CSE1L: variants seen among roughly 807,000 people sequenced by gnomAD.
CSE1L encodes chromosome segregation 1 like, also known as exportin-2.
A neutral mutation model predicts 120.4 loss-of-function variants in CSE1L; 24 were observed. The ratio of observed to expected loss-of-function variants is 0.20; its 90% CI spans 0.14 to 0.28. The LOEUF (loss-of-function observed/expected upper bound fraction) is 0.28. Ranked by LOEUF, CSE1L falls within the 10% of genes least tolerant of loss-of-function variation. The pLI is 1.00. For synonymous variants in CSE1L, 402 were observed against 398.3 expected (o/e 1.01, Z -0.11); for missense variants, 830 against 1,145.2 (o/e 0.72, Z 3.97).
chr20:49,064,241 A>T, intron 3 of CSE1L, among the ~76,000 whole-genome samples: 1 of 152,378 alleles, frequency 6.6e-6, no homozygotes, highest in Admixed American at 6.5e-5. Flanking sequence ...TAGTGATAGC[A>T]GTTATGATGT....
chr20:49,075,206 C>T lies in CSE1L; in HGVS notation c.1133-112C>T, dbSNP rs17448715. The stretch of plus-strand genomic sequence containing the variant: ...CCTTTGTTTTTCGTTCTTTTTTTTC[C>T]GTTTTACAATCGTAGCCAAATTATT... On this transcript the variant is annotated intron_variant, in intron 11 of 24. Transcript: ENST00000262982. 168,828 of 839,772 alleles carry T rather than the reference C, an allele frequency of 0.2. 19,132 individuals are homozygous for T. The highest frequency in any genetic ancestry group is 0.24 in the Non-Finnish European group (133,789 of 558,122). 52.0% of individuals were successfully genotyped at this position (839,772 alleles called of 1,614,324 possible).
In CSE1L at chr20:49,096,676, C is replaced by T; in HGVS notation, c.*238C>T. On this transcript the variant is annotated 3_prime_UTR_variant, in exon 25 of 25. Coordinates refer to ENST00000262982, the MANE Select transcript of CSE1L (RefSeq NM_001316.4). ...CTTCAAGGGACAAGTATTAATAGTT[C>T]AGTGTATGGCGTTGGTTTGTGTTGA... 1.8e-6 allele frequency: 1 copy of T among 544,764 alleles called. No homozygotes were observed. The highest frequency in any genetic ancestry group is 3.3e-6 in the Non-Finnish European group (1 of 305,788). The allele number at this position is 544,764 out of a possible 1,614,324, so 33.7% of individuals were successfully genotyped here. A position where few individuals can be genotyped will look rare whatever the true frequency, so the allele number is the denominator to read the frequency against.
At position 49,077,021 on chromosome 20, in the gene CSE1L, G is replaced by A; in HGVS notation, c.1377G>A (p.Glu459=). The A allele has an allele frequency of 1.2e-6, 2 of 1,607,092 alleles. No homozygotes were observed. The highest frequency in any genetic ancestry group is 2.2e-5 in the South Asian group (2 of 89,084). ...TQANELVNLT[E]FFVNHILPDL... ...CAAATGAACTTGTAAACCTAACTGA[G>A]TTCTTTGTGAATCACATCCTCCCTG... The change falls in exon 13 of 25, where the codon GAG becomes GAA. Residue 459 remains glutamate (E), a synonymous_variant. Transcript: ENST00000262982.
At chr20:49,049,725 C>A (rs556995468) in intron 1 of CSE1L, among the ~76,000 whole-genome samples, 1 of 152,012 alleles carries the variant, frequency 6.6e-6, no homozygotes, top group Non-Finnish European at 1.5e-5. Context: ...ATCTGCAAGG[C>A]GATATAAAAA....
rs138845721 is a variant in CSE1L at position 49,075,594 on chromosome 20, G to A, written c.1335+74G>A. 6.6e-5 allele frequency: 77 copies of A among 1,163,042 alleles called. No individual in the cohort carries two copies. The African/African-American group carries it at 7.4e-4, about 11-fold the overall frequency. The allele number at this position is 1,163,042 out of a possible 1,614,324, so 72.0% of individuals were successfully genotyped here. ...CCCACACAAGTCAAAAAGAAATAAC[G>A]TCTCTGATAATAGAGCTTACTCTGC... On this transcript the variant is annotated intron_variant, in intron 12 of 24. Transcript: ENST00000262982.
chr20:49,085,463 CAGG>C, intron 16 of CSE1L, 77 bp downstream of exon 16: 6 of 914,916 alleles, frequency 6.6e-6, no homozygotes, highest in Non-Finnish European at 1.0e-5. Flanking sequence ...AGTTATACTT[CAGG>C]TTATACAGTC....
chr20:49,056,240 G>T (rs916465048), intron 1 of CSE1L, among the ~76,000 whole-genome samples: 25 of 152,004 alleles, frequency 1.6e-4, no homozygotes, highest in African/African-American at 6.0e-4. Flanking sequence ...CAAGTAACTG[G>T]GATTACAGGT....
At chr20:49,073,205 G>C (rs1282357155) in intron 10 of CSE1L, among the ~76,000 whole-genome samples, 1 of 151,912 alleles carries the variant, frequency 6.6e-6, no homozygotes, top group Admixed American at 6.6e-5. Context: ...TAGAGACAGG[G>C]TTTCACCATG....
In CSE1L at chr20:49,092,817, TA is replaced by T. The variant is rs887455274; in HGVS notation, c.2447+701del. On this transcript the variant is annotated intron_variant, in intron 22 of 24. Coordinates refer to ENST00000262982, the MANE Select transcript of CSE1L (RefSeq NM_001316.4). ...TGTACCCTAGAACTTAAAGTATAAT[TA>T]AAAAAAAAAACCAGAATTTTCCTTC... Among the ~76,000 whole-genome samples the T allele has an allele frequency of 4.2e-3, 614 of 145,876 alleles. 5 individuals are homozygous for T. Among genetic ancestry groups the T allele is most frequent in the African/African-American group, 0.014 (541 of 39,990 alleles).
intron 1 of CSE1L, among the ~76,000 whole-genome samples, chr20:49,054,058 C>T (rs1203064043): frequency 6.6e-6 from 1 of 152,146 alleles, no homozygotes; most frequent in Admixed American, 6.6e-5. Flanking sequence ...TAGCATTTTC[C>T]AAACTTGTGA....
chr20:49,082,447 G>T (rs1040283797), intron 14 of CSE1L, among the ~76,000 whole-genome samples: 10 of 151,202 alleles, frequency 6.6e-5, no homozygotes, highest in African/African-American at 2.4e-4. Flanking sequence ...CCTGGCCTAG[G>T]TTTTAAATTT....
At chr20:49,077,918 C>A (rs1280494533) in intron 13 of CSE1L, among the ~76,000 whole-genome samples, 1 of 152,004 alleles carries the variant, frequency 6.6e-6, no homozygotes, top group Non-Finnish European at 1.5e-5. Flanking sequence ...GCAGGAGAAT[C>A]GCTTGAATCC....
chr20:49,048,649 G>T (rs565723541), intron 1 of CSE1L, among the ~76,000 whole-genome samples: 1 of 152,248 alleles, frequency 6.6e-6, no homozygotes, highest in Non-Finnish European at 1.5e-5. Flanking sequence ...AATATTTAAG[G>T]AATATCTTAG....
intron 1 of CSE1L, among the ~76,000 whole-genome samples, chr20:49,053,239 G>A (rs1285872174): frequency 6.8e-6 from 1 of 146,096 alleles, no homozygotes; most frequent in African/African-American, 2.5e-5. Context: ...AATCTGCCTT[G>A]CATGAATCCC....
At chr20:49,065,627 C>G (rs2091886795) in intron 3 of CSE1L, among the ~76,000 whole-genome samples, 1 of 105,268 alleles carries the variant, frequency 9.5e-6, no homozygotes, top group African/African-American at 3.6e-5. Flanking sequence ...CAGAGTCACT[C>G]TTGTTGCCCA....
At chr20:49,090,595 A>C in intron 19 of CSE1L, 147 bp from the exon 20 acceptor site, 1 of 640,276 alleles carries the variant, frequency 1.6e-6, no homozygotes, top group Non-Finnish European at 2.7e-6. Flanking sequence ...ACGCGGGAGG[A>C]ATTGTTCCCC....
chr20:49,096,017 G>A (rs966657359), intron 24 of CSE1L, among the ~76,000 whole-genome samples: 3 of 152,004 alleles, frequency 2.0e-5, no homozygotes, highest in Admixed American at 6.6e-5. Flanking sequence ...GTTTTGTTTC[G>A]TTTCTCCTTT....
intron 22 of CSE1L, 45 bp downstream of exon 22, chr20:49,092,172 C>CTTT: frequency 9.1e-7 from 1 of 1,097,302 alleles, no homozygotes; most frequent in Non-Finnish European, 1.3e-6. Context: ...AATGTTTTGA[C>CTTT]TTTTTTTTTA....
In CSE1L at chr20:49,077,885, T is replaced by A. The variant is rs2091981711; in HGVS notation, c.1421-676T>A. ...CGGGCGTGGTGGCGTGTGCCTGTAA[T>A]CCCAGCTATTTGGGAGGCTGAGGCA... On this transcript the variant is annotated intron_variant, in intron 13 of 24. Transcript: ENST00000262982. Among the ~76,000 whole-genome samples the A allele has an allele frequency of 2.0e-5, 3 of 152,014 alleles. No individual in the cohort carries two copies. The South Asian group carries it at 6.2e-4, about 31-fold the overall frequency.
Sources: gnomAD v4.1 joint callset for allele counts (sites outside exome capture counted in the v4.1 genomes callset) on GRCh38, gnomAD v4.1.1 for gene constraint, MANE v1.5 for transcripts, NCBI Gene and HGNC (gene_info 2026-07-23, HGNC 2026-07-21) for gene names.